MYO5A: variants seen among roughly 807,000 people sequenced by gnomAD.
MYO5A encodes myosin VA.
Under a neutral mutation model 249.7 loss-of-function variants are expected in MYO5A, and 98 were observed. That is an observed-to-expected ratio of 0.39 (90% CI 0.33 to 0.46). The LOEUF (loss-of-function observed/expected upper bound fraction) is 0.46, where lower values mean the gene tolerates loss of function less well. Ranked by LOEUF, MYO5A falls within the 20% of genes least tolerant of loss-of-function variation. The pLI is 0.98. For synonymous variants in MYO5A, 778 were observed against 810.6 expected, an observed-to-expected ratio of 0.96 and a Z score of 0.68; for missense variants, 1,696 against 2,308.8, an observed-to-expected ratio of 0.73 and a Z score of 5.44.
At chr15:52,438,972 G>A (rs916362334) in intron 1 of MYO5A, among the ~76,000 whole-genome samples, 1 of 152,240 alleles carries the variant, frequency 6.6e-6, no homozygotes, top group African/African-American at 2.4e-5. Context: ...TGCTGCTCCC[G>A]ATAGGGCTAC....
intron 1 of MYO5A, among the ~76,000 whole-genome samples, chr15:52,522,623 A>G (rs2077646212): frequency 6.6e-6 from 1 of 152,236 alleles, no homozygotes; most frequent in Non-Finnish European, 1.5e-5. Flanking sequence ...CTAGTGGACC[A>G]CGTACTCCTG....
chr15:52,501,862 A>T (rs1413885734), intron 1 of MYO5A, among the ~76,000 whole-genome samples: 2 of 135,188 alleles, frequency 1.5e-5, no homozygotes, highest in Non-Finnish European at 1.5e-5. Context: ...AGACACACAC[A>T]CACATACATA....
intron 1 of MYO5A, among the ~76,000 whole-genome samples, chr15:52,477,480 A>T (rs2076621736): frequency 6.6e-6 from 1 of 152,152 alleles, no homozygotes; most frequent in Non-Finnish European, 1.5e-5. Context: ...GGAGGAGAAG[A>T]GGCGCTCTGA....
At chr15:52,365,093 CAGATATTTCTCAAGAG>C (rs1458170358) in intron 23 of MYO5A, among the ~76,000 whole-genome samples, 1 of 152,194 alleles carries the variant, frequency 6.6e-6, no homozygotes, top group Non-Finnish European at 1.5e-5. Flanking sequence ...GACCTCCTCA[CAGATATTTCTCAAGAG>C]AGATATTTCT....
chr15:52,485,853 G>C (rs114097294), intron 1 of MYO5A, among the ~76,000 whole-genome samples: 1 of 152,074 alleles, frequency 6.6e-6, no homozygotes, highest in African/African-American at 2.4e-5. Context: ...AAACGTATTT[G>C]TCAGTTCAAA....
At chr15:52,326,801 T>C (rs578182947) in intron 36 of MYO5A, among the ~76,000 whole-genome samples, 1 of 152,352 alleles carries the variant, frequency 6.6e-6, no homozygotes, top group East Asian at 1.9e-4. Context: ...TATCCACTTA[T>C]CTTTACCCTA....
At chr15:52,462,814 C>T (rs2076279403) in intron 1 of MYO5A, among the ~76,000 whole-genome samples, 1 of 151,270 alleles carries the variant, frequency 6.6e-6, no homozygotes, top group Non-Finnish European at 1.5e-5. Flanking sequence ...TGCCACTGCA[C>T]TCCATCCTGG....
intron 39 of MYO5A, among the ~76,000 whole-genome samples, chr15:52,317,890 A>G (rs2038102392): frequency 6.6e-6 from 1 of 152,264 alleles, no homozygotes; most frequent in Non-Finnish European, 1.5e-5. Context: ...AGGTCAATAG[A>G]CACACAATCA....
intron 1 of MYO5A, among the ~76,000 whole-genome samples, chr15:52,468,833 T>A (rs1234669484): frequency 6.6e-6 from 1 of 152,226 alleles, no homozygotes; most frequent in Admixed American, 6.5e-5. Context: ...TTTGGTAATT[T>A]CTTCAACAAT....
intron 1 of MYO5A, among the ~76,000 whole-genome samples, chr15:52,469,744 G>C (rs55740761): frequency 0.02 from 3,007 of 152,308 alleles, 43 homozygotes; most frequent in Non-Finnish European, 0.034. Context: ...AAGCAGTCTT[G>C]AAAAATCAGA....
chr15:52,459,379 C>T (rs1203212087), intron 1 of MYO5A, among the ~76,000 whole-genome samples: 1 of 151,836 alleles, frequency 6.6e-6, no homozygotes, highest in Non-Finnish European at 1.5e-5. Flanking sequence ...CTCTTAACGA[C>T]TATGCTGCCT....
chr15:52,353,846 T>C lies in MYO5A; in HGVS notation c.3567+25A>G, dbSNP rs748551078. ...AATGGACATAAAGCCCAGCTTCAGC[T>C]CTGCGGATGGGCTGTGCTGCGCACC... On this transcript the variant is annotated intron_variant, in intron 26 of 41. Coordinates refer to ENST00000399233, the MANE Select transcript of MYO5A (RefSeq NM_001382347.1). The C allele has an allele frequency of 1.8e-5, 29 of 1,612,502 alleles. No homozygotes were observed. In the South Asian group the frequency reaches 3.1e-4, roughly 17 times the overall value.
intron 1 of MYO5A, among the ~76,000 whole-genome samples, chr15:52,494,222 C>G (rs753426957): frequency 2.0e-5 from 3 of 152,154 alleles, no homozygotes; most frequent in Non-Finnish European, 4.4e-5. Context: ...AAAACATTCC[C>G]TATTACTAAG....
chr15:52,387,752 T>TA (rs879404351), intron 14 of MYO5A, 77 bp downstream of exon 14: 40 of 1,173,544 alleles, frequency 3.4e-5, no homozygotes, highest in African/African-American at 7.7e-5. Context: ...AGATTTTTGT[T>TA]AAAAAAATCA....
intron 1 of MYO5A, among the ~76,000 whole-genome samples, chr15:52,514,036 G>A (rs533318127): frequency 6.6e-6 from 1 of 152,308 alleles, no homozygotes; most frequent in African/African-American, 2.4e-5. Context: ...GTAGAAGAGG[G>A]GAAGCACATG....
intron 1 of MYO5A, among the ~76,000 whole-genome samples, chr15:52,513,018 A>G (rs1014022850): frequency 6.6e-5 from 10 of 151,840 alleles, no homozygotes; most frequent in Non-Finnish European, 1.0e-4. Flanking sequence ...CACAGGAAAA[A>G]AAAAAAAGTA....
chr15:52,403,226 C>T (rs2141208205), intron 9 of MYO5A, among the ~76,000 whole-genome samples: 1 of 152,246 alleles, frequency 6.6e-6, no homozygotes, highest in South Asian at 2.1e-4. Flanking sequence ...GATGGTGATG[C>T]AGAAATCAGA....
chr15:52,528,827 GC>G lies in MYO5A; in HGVS notation c.-22del, dbSNP rs756798674. 99 of 1,474,144 alleles carry G rather than the reference GC, an allele frequency of 6.7e-5. No homozygotes were observed. The highest frequency in any genetic ancestry group is 9.0e-5 in the South Asian group (7 of 77,886). The allele number at this position is 1,474,144 out of a possible 1,614,324, so 91.3% of individuals were successfully genotyped here. On this transcript the variant is annotated 5_prime_UTR_variant, in exon 1 of 42. Coordinates refer to ENST00000399233, the MANE Select transcript of MYO5A (RefSeq NM_001382347.1). The stretch of plus-strand genomic sequence containing the variant: ...GCCATGGCGGGCCCCGCGCGCCTAC[GC>G]CCCCCGCCTGTGCGGAGGCCGCACC...
At chr15:52,360,337 G>A (rs1354496417) in intron 24 of MYO5A, among the ~76,000 whole-genome samples, 2 of 152,192 alleles carry the variant, frequency 1.3e-5, no homozygotes, top group Non-Finnish European at 2.9e-5. Context: ...ATTATTAGTC[G>A]AGTCCCCTTT....
Sources: gnomAD v4.1 joint callset for allele counts (sites outside exome capture counted in the v4.1 genomes callset) on GRCh38, gnomAD v4.1.1 for gene constraint, MANE v1.5 for transcripts, NCBI Gene and HGNC (gene_info 2026-07-23, HGNC 2026-07-21) for gene names.